INSYN2B: variants seen among roughly 807,000 people sequenced by gnomAD.
The protein encoded by INSYN2B is inhibitory synaptic factor family member 2B.
A neutral mutation model predicts 41.2 loss-of-function variants in INSYN2B; 16 were observed. The ratio of observed to expected loss-of-function variants is 0.39; its 90% CI spans 0.26 to 0.59. The LOEUF (loss-of-function observed/expected upper bound fraction) is 0.59, where lower values mean the gene tolerates loss of function less well. INSYN2B is among the 20% of genes least tolerant of loss of function. The pLI is 0.57. For synonymous variants in INSYN2B, 245 were observed against 244.4 expected (o/e 1.00, Z -0.02); for missense variants, 608 against 646.4 (o/e 0.94, Z 0.64).
chr5:169,968,507 T>TG (rs1350889188), intron 1 of INSYN2B, among the ~76,000 whole-genome samples: 5 of 152,042 alleles, frequency 3.3e-5, no homozygotes, highest in East Asian at 1.9e-4. Context: ...GAAGAAACAT[T>TG]GGGGGGTCAA....
At chr5:169,956,823 A>G (rs537482004) in intron 1 of INSYN2B, among the ~76,000 whole-genome samples, 1 of 152,306 alleles carries the variant, frequency 6.6e-6, no homozygotes, top group South Asian at 2.1e-4. Context: ...ATTCATTTTC[A>G]AGGTTCCTTT....
intron 1 of INSYN2B, among the ~76,000 whole-genome samples, chr5:169,966,077 C>T (rs950308304): frequency 2.0e-5 from 3 of 152,126 alleles, no homozygotes; most frequent in Non-Finnish European, 2.9e-5. Flanking sequence ...CTGCCAATCT[C>T]GAAATGGCAA....
rs1157397399 is a variant in INSYN2B, at chr5:169,882,906, T to G, written c.993A>C (p.Ser331=). 2 of 1,551,868 alleles carry G rather than the reference T, an allele frequency of 1.3e-6. No homozygotes were observed. Among genetic ancestry groups the G allele is most frequent in the African/African-American group, 2.7e-5 (2 of 73,034 alleles). ...AHPGRASDCP[S]SSNNHQNLVS... is the part of the protein sequence containing the mutation. Reference sequence around the variant, plus strand: ...CCAGATTCTGGTGATTGTTACTTGATGAAGGACAGTCTGAGGCTCTTCCTG... The same window carrying G: ...CCAGATTCTGGTGATTGTTACTTGAGGAAGGACAGTCTGAGGCTCTTCCTG... Residue 331 remains serine, a synonymous_variant, in exon 2 of 4, where the codon TCA becomes TCC. Coordinates refer to ENST00000377365, the MANE Select transcript of INSYN2B (RefSeq NM_001129891.3).
chr5:169,867,242 A>G (rs1771622838), intron 3 of INSYN2B, among the ~76,000 whole-genome samples: 1 of 152,224 alleles, frequency 6.6e-6, no homozygotes, highest in South Asian at 2.1e-4. Flanking sequence ...CCACAATCAG[A>G]TTAGATTCCG....
At position 169,972,586 on chromosome 5, in the gene INSYN2B, TGATAGATAGATA is replaced by T. The variant is rs1554122914; in HGVS notation, c.-919+7679_-919+7690del. ...ATAGATAGATAGATAGATAGATAGA[TGATAGATAGATA>T]GATAGATAGATAGATAGATAGATAG... On this transcript the variant is annotated intron_variant, in intron 1 of 3. Transcript: ENST00000377365. 5.6e-3 allele frequency among the ~76,000 whole-genome samples: 389 copies of T among 69,014 alleles called. 1 individual carries two copies. Among genetic ancestry groups the T allele is most frequent in the African/African-American group, 0.025 (367 of 14,412 alleles). 45.3% of individuals were successfully genotyped at this position (69,014 alleles called of 152,430 possible).
At chr5:169,919,951 C>T (rs1286324655) in intron 1 of INSYN2B, among the ~76,000 whole-genome samples, 2 of 152,230 alleles carry the variant, frequency 1.3e-5, no homozygotes, top group Non-Finnish European at 2.9e-5. Context: ...TGCCAAGTAA[C>T]TACACTTTGT....
chr5:169,966,814 G>A (rs556062911), intron 1 of INSYN2B, among the ~76,000 whole-genome samples: 1 of 152,294 alleles, frequency 6.6e-6, no homozygotes, highest in East Asian at 1.9e-4. Flanking sequence ...TCAGGCTCCA[G>A]CCATCATGCA....
intron 1 of INSYN2B, among the ~76,000 whole-genome samples, chr5:169,935,351 G>T (rs879583155): frequency 6.6e-6 from 1 of 151,640 alleles, no homozygotes; most frequent in Admixed American, 6.6e-5. Flanking sequence ...TCTCACTTGC[G>T]CCCTTCTGCT....
intron 1 of INSYN2B, among the ~76,000 whole-genome samples, chr5:169,897,238 G>A (rs1160951110): frequency 6.6e-6 from 1 of 152,074 alleles, no homozygotes; most frequent in Non-Finnish European, 1.5e-5. Flanking sequence ...AGGCTGGAGT[G>A]CATTGGCATG....
intron 1 of INSYN2B, among the ~76,000 whole-genome samples, chr5:169,928,145 T>C (rs1038508184): frequency 2.6e-5 from 4 of 152,170 alleles, no homozygotes. Flanking sequence ...CCCTTCCCCC[T>C]GCAACTCAGG....
chr5:169,953,853 C>T (rs1561848102), intron 1 of INSYN2B, among the ~76,000 whole-genome samples: 1 of 152,192 alleles, frequency 6.6e-6, no homozygotes, highest in African/African-American at 2.4e-5. Context: ...TCCATTCTAG[C>T]TGTGCCACTT....
intron 1 of INSYN2B, among the ~76,000 whole-genome samples, chr5:169,923,681 G>A (rs1775295943): frequency 6.6e-6 from 1 of 152,254 alleles, no homozygotes; most frequent in African/African-American, 2.4e-5. Flanking sequence ...ATAGGACTAA[G>A]TAAGGCACTG....
Position 169,882,719 on chromosome 5 carries a change from T to A in INSYN2B, c.1180A>T (p.Arg394Trp). 1.3e-6 allele frequency: 2 copies of A among 1,552,028 alleles called. No homozygotes were observed. ...SRSETKLQSN[R>W]EISDINQIHL... ...ATTTGATTAATGTCACTAATCTCCC[T>A]GTTGCTCTGAAGTTTGGTCTCACTC... The change falls in exon 2 of 4, where the codon AGG becomes TGG. Residue 394 changes from arginine to tryptophan, a missense_variant. Coordinates refer to ENST00000377365, the MANE Select transcript of INSYN2B (RefSeq NM_001129891.3).
At chr5:169,878,345 C>T (rs762675684) in intron 3 of INSYN2B, among the ~76,000 whole-genome samples, 1 of 152,142 alleles carries the variant, frequency 6.6e-6, no homozygotes, top group African/African-American at 2.4e-5. Flanking sequence ...TAAATCCATT[C>T]GCTTTTTAAA....
chr5:169,964,893 T>A (rs1777238137), intron 1 of INSYN2B, among the ~76,000 whole-genome samples: 1 of 152,250 alleles, frequency 6.6e-6, no homozygotes, highest in African/African-American at 2.4e-5. Flanking sequence ...ATAGCACATG[T>A]GCAAATAAAG....
chr5:169,961,108 T>C (rs1777069695), intron 1 of INSYN2B, among the ~76,000 whole-genome samples: 1 of 152,226 alleles, frequency 6.6e-6, no homozygotes, highest in Non-Finnish European at 1.5e-5. Flanking sequence ...GGTCAACCTG[T>C]TGCCCATTTG....
rs191566647 is a variant in INSYN2B, at chr5:169,946,834, G to T, written c.-919+33443C>A. Among the ~76,000 whole-genome samples, 6 of 152,342 alleles carry T rather than the reference G, an allele frequency of 3.9e-5. No homozygotes were observed. In the South Asian group the frequency reaches 8.3e-4, roughly 21 times the overall value. On this transcript the variant is annotated intron_variant, in intron 1 of 3. Transcript: ENST00000377365. ...CTTGAAACTGGGTGGGCAGTGACAT[G>T]GAAAGGGCCTTTAGGCTGGACCTGA...
intron 1 of INSYN2B, among the ~76,000 whole-genome samples, chr5:169,954,225 A>C (rs566188058): frequency 6.6e-6 from 1 of 152,382 alleles, no homozygotes; most frequent in South Asian, 2.1e-4. Flanking sequence ...ACTCATGGCT[A>C]TGAAGCCTTA....
intron 1 of INSYN2B, among the ~76,000 whole-genome samples, chr5:169,953,798 A>C (rs1376011436): frequency 6.6e-6 from 1 of 152,204 alleles, no homozygotes; most frequent in Non-Finnish European, 1.5e-5. Flanking sequence ...CAAGCATTGT[A>C]TATGGTAAGG....
Sources: gnomAD v4.1 joint callset for allele counts (sites outside exome capture counted in the v4.1 genomes callset) on GRCh38, gnomAD v4.1.1 for gene constraint, MANE v1.5 for transcripts, NCBI Gene and HGNC (gene_info 2026-07-23, HGNC 2026-07-21) for gene names.